The following SUSD1 variants were observed in gnomAD, a reference collection of about 807,000 sequenced individuals.
SUSD1 encodes the protein sushi domain containing 1.
A neutral mutation model predicts 86.9 loss-of-function variants in SUSD1; 65 were observed. The ratio of observed to expected loss-of-function variants is 0.75; its 90% CI spans 0.61 to 0.92. The LOEUF is 0.92. SUSD1 is among the 40% of genes least tolerant of loss of function. SUSD1 has a pLI of 0.00. For missense variants in SUSD1, 850 were observed against 929.7 expected (o/e 0.91, Z 1.11); for synonymous variants, 346 against 350.0 (o/e 0.99, Z 0.13).
intron 10 of SUSD1, among the ~76,000 whole-genome samples, chr9:112,090,690 A>C (rs1403417928): frequency 6.6e-6 from 1 of 152,196 alleles, no homozygotes; most frequent in Non-Finnish European, 1.5e-5. Flanking sequence ...TATTACAGGA[A>C]GGGGTAGAAG....
chr9:112,134,614 G>C (rs1832177006), intron 5 of SUSD1, among the ~76,000 whole-genome samples: 1 of 152,078 alleles, frequency 6.6e-6, no homozygotes, highest in Admixed American at 6.6e-5. Flanking sequence ...GAGGGAGGAG[G>C]GAGGAAGGGG....
intron 2 of SUSD1, among the ~76,000 whole-genome samples, chr9:112,150,943 T>G (rs1055201530): frequency 1.3e-5 from 2 of 152,188 alleles, no homozygotes; most frequent in Non-Finnish European, 2.9e-5. Context: ...TAGACTTTTA[T>G]TTTTATATAG....
At chr9:112,118,366 GTTTCC>G (rs1831414484) in intron 6 of SUSD1, among the ~76,000 whole-genome samples, 1 of 152,180 alleles carries the variant, frequency 6.6e-6, no homozygotes, top group Admixed American at 6.5e-5. Flanking sequence ...GTTTTCATGT[GTTTCC>G]TTTCTTTCTT....
intron 15 of SUSD1, chr9:112,052,153 A>G: frequency 6.9e-7 from 1 of 1,439,370 alleles, no homozygotes; most frequent in Non-Finnish European, 9.1e-7. Context: ...AGTCCCACTC[A>G]CGGTGTTGAG....
In SUSD1 at chr9:112,166,588, G is replaced by A. The variant is rs150775851; in HGVS notation, c.103+8545C>T. ...TGAAAGAAGTCTTTCACCAAGTCTC[G>A]ATTGCCACATAGCACAGCTGTGGGA... On this transcript the variant is annotated intron_variant, in intron 1 of 16. Coordinates refer to ENST00000374270, the MANE Select transcript of SUSD1 (RefSeq NM_022486.5). Among the ~76,000 whole-genome samples the A allele has an allele frequency of 2.3e-3, 348 of 152,268 alleles. 3 individuals are homozygous for A. Among genetic ancestry groups the A allele is most frequent in the African/African-American group, 7.9e-3 (330 of 41,548 alleles).
At chr9:112,172,741 T>G (rs1834097971) in intron 1 of SUSD1, among the ~76,000 whole-genome samples, 1 of 152,324 alleles carries the variant, frequency 6.6e-6, no homozygotes, top group East Asian at 1.9e-4. Flanking sequence ...ATTTCCACCT[T>G]ACTGTCTACA....
intron 13 of SUSD1, 104 bp from the exon 14 acceptor site, chr9:112,058,790 T>C: frequency 1.4e-6 from 2 of 1,438,482 alleles, no homozygotes; most frequent in Admixed American, 2.3e-5. Flanking sequence ...TCTTTCTTTG[T>C]TTTTTTGTTT....
intron 8 of SUSD1, among the ~76,000 whole-genome samples, chr9:112,110,515 T>C (rs758884943): frequency 2.6e-5 from 4 of 151,528 alleles, no homozygotes; most frequent in Non-Finnish European, 5.9e-5. Flanking sequence ...GCCACCCGAG[T>C]AACTGGGACT....
At chr9:112,131,039 C>G (rs1436341496) in intron 5 of SUSD1, among the ~76,000 whole-genome samples, 2 of 151,754 alleles carry the variant, frequency 1.3e-5, no homozygotes, top group Admixed American at 6.6e-5. Context: ...AAACAAAAAA[C>G]AAAAAAAGAA....
At chr9:112,128,773 C>T (rs1186205334) in intron 5 of SUSD1, among the ~76,000 whole-genome samples, 5 of 151,970 alleles carry the variant, frequency 3.3e-5, no homozygotes, top group African/African-American at 7.3e-5. Flanking sequence ...TTCAATCAAA[C>T]GAAAGAACCA....
At chr9:112,080,195 T>C (rs1461927391) in intron 10 of SUSD1, 30 bp from the exon 11 acceptor site, 2 of 1,510,690 alleles carry the variant, frequency 1.3e-6, no homozygotes, top group South Asian at 2.3e-5. Context: ...AGAAATCAAT[T>C]TACACTCTAT....
At chr9:112,172,376 T>C (rs1834082735) in intron 1 of SUSD1, among the ~76,000 whole-genome samples, 1 of 152,134 alleles carries the variant, frequency 6.6e-6, no homozygotes, top group South Asian at 2.1e-4. Context: ...CCTAGTTTCC[T>C]TGACTAAATG....
chr9:112,043,241 T>C (rs1827818966), intron 15 of SUSD1, among the ~76,000 whole-genome samples: 1 of 152,206 alleles, frequency 6.6e-6, no homozygotes, highest in Admixed American at 6.5e-5. Flanking sequence ...ACTGCTCAAA[T>C]TGCTCCTAGG....
chr9:112,109,051 A>G (rs1050653722), intron 8 of SUSD1, among the ~76,000 whole-genome samples: 1 of 152,212 alleles, frequency 6.6e-6, no homozygotes, highest in African/African-American at 2.4e-5. Flanking sequence ...ATGTAAGCAA[A>G]TATTCCATAT....
intron 1 of SUSD1, among the ~76,000 whole-genome samples, chr9:112,161,452 CA>C (rs1833566100): frequency 6.6e-6 from 1 of 151,740 alleles, no homozygotes; most frequent in Admixed American, 6.6e-5. Flanking sequence ...GATCCTGGGT[CA>C]AGTTGAAGAA....
chr9:112,165,913 G>GAAA (rs1452059359), intron 1 of SUSD1, among the ~76,000 whole-genome samples: 3,876 of 63,462 alleles, frequency 0.061, 98 homozygotes, highest in African/African-American at 0.086. Context: ...AAGGAAGGAA[G>GAAA]GAAGAAAGAA....
chr9:112,156,877 G>A (rs1027000996), intron 2 of SUSD1, among the ~76,000 whole-genome samples: 2 of 152,182 alleles, frequency 1.3e-5, no homozygotes, highest in African/African-American at 4.8e-5. Flanking sequence ...TTGTAAAATT[G>A]TTGTGAAAGT....
At chr9:112,068,647 A>G (rs1829100741) in intron 12 of SUSD1, among the ~76,000 whole-genome samples, 1 of 151,444 alleles carries the variant, frequency 6.6e-6, no homozygotes, top group Admixed American at 6.6e-5. Context: ...GGTTGCAGTG[A>G]GCCAAGATTG....
At chr9:112,138,839 AAT>A (rs1394751012) in intron 5 of SUSD1, among the ~76,000 whole-genome samples, 9 of 152,330 alleles carry the variant, frequency 5.9e-5, no homozygotes, top group African/African-American at 2.2e-4. Context: ...TCACTTAACC[AAT>A]CTCTTGTTGT....
Sources: allele counts gnomAD v4.1 joint callset (sites outside exome capture counted in the v4.1 genomes callset), GRCh38; gene constraint gnomAD v4.1.1; transcripts MANE v1.5; gene names NCBI Gene and HGNC (gene_info 2026-07-23, HGNC 2026-07-21).